The following CD59 variants were observed in gnomAD, a reference collection of about 807,000 sequenced individuals.
CD59 encodes CD59 molecule (CD59 blood group), also known as CD59 glycoprotein.
Under a neutral mutation model 7.0 loss-of-function variants are expected in CD59, and 3 were observed. That is an observed-to-expected ratio of 0.43 (90% CI 0.19 to 1.10). The LOEUF (loss-of-function observed/expected upper bound fraction) is 1.10, where lower values mean the gene tolerates loss of function less well. Ranked by LOEUF, CD59 falls within the 50% of genes least tolerant of loss-of-function variation. The probability of loss-of-function intolerance (pLI) is 0.29; values close to 1 mark genes in which losing one functional copy is unlikely to be tolerated. For missense variants in CD59, 143 were observed against 151.0 expected (o/e 0.95, Z 0.28); for synonymous variants, 60 against 62.0 (o/e 0.97, Z 0.15).
In CD59 at chr11:33,716,026, T is replaced by C. The variant is rs1853774206; in HGVS notation, c.169+1344A>G. ...AGCTAAAGAGCCAAGTCTTCTGTGC[T>C]CGTACATAATGACCATGTTCTCGCT... is the stretch of plus-strand genomic sequence containing the variant. On this transcript the variant is annotated intron_variant, in intron 3 of 3. Transcript: ENST00000642928. Among the ~76,000 whole-genome samples the C allele has an allele frequency of 2.0e-5, 3 of 152,188 alleles. 1 individual carries two copies. The South Asian group carries it at 6.2e-4, about 31-fold the overall frequency.
At chr11:33,712,624 A>G (rs1329948032) in intron 3 of CD59, among the ~76,000 whole-genome samples, 1 of 152,240 alleles carries the variant, frequency 6.6e-6, no homozygotes, top group Non-Finnish European at 1.5e-5. Context: ...CTGCTGGGGC[A>G]TGCAGGAGGG....
At chr11:33,719,156 C>T (rs1278232370) in intron 2 of CD59, 1 of 152,172 alleles carries the variant, frequency 6.6e-6, no homozygotes, top group Non-Finnish European at 1.5e-5. Flanking sequence ...AGTGGAAAGT[C>T]CAGTGGAAGC....
In CD59 at chr11:33,709,165, T is replaced by C. The variant is rs943034287; in HGVS notation, c.*961A>G. 13 of 152,242 alleles carry C rather than the reference T, an allele frequency of 8.5e-5. No homozygotes were observed. The highest frequency in any genetic ancestry group is 3.1e-4 in the African/African-American group (13 of 41,468). 9.4% of individuals were successfully genotyped at this position (152,242 alleles called of 1,614,324 possible). A position where few individuals can be genotyped will look rare whatever the true frequency, so the allele number is the denominator to read the frequency against. On this transcript the variant is annotated 3_prime_UTR_variant, in exon 4 of 4. Transcript: ENST00000642928. ...AATCTATGCTGAGTCAGCTAGGAGT[T>C]AGCAGGAGGCTGGATGCAGATGGTA...
rs779219648 is a variant in CD59 at position 33,722,488 on chromosome 11, T to C, written c.-18-25A>G. ...CCTGGAAGGAAGGGACAGGAAGGAATGTCAGGAACGAACAAATGACTGCTG... is the reference window on the plus strand; with the variant it reads ...CCTGGAAGGAAGGGACAGGAAGGAACGTCAGGAACGAACAAATGACTGCTG... On this transcript the variant is annotated intron_variant, in intron 1 of 3. Transcript: ENST00000642928. 23 of 1,612,670 alleles carry C rather than the reference T, an allele frequency of 1.4e-5. 1 individual carries two copies. In the South Asian group the frequency reaches 2.3e-4, roughly 16 times the overall value.
Position 33,704,647 on chromosome 11 carries a change from T to G in CD59, c.*5479A>C, listed in dbSNP as rs1416523637. 3 of 152,198 alleles carry G rather than the reference T, an allele frequency of 2.0e-5. No individual in the cohort carries two copies. Among genetic ancestry groups the G allele is most frequent in the Non-Finnish European group, 4.4e-5 (3 of 68,040 alleles). 9.4% of individuals were successfully genotyped at this position (152,198 alleles called of 1,614,324 possible). On this transcript the variant is annotated 3_prime_UTR_variant, in exon 4 of 4. Coordinates refer to ENST00000642928, the MANE Select transcript of CD59 (RefSeq NM_000611.6). ...TTTTCCAGATGAGAAAACTGAGGCA[T>G]GTAAGGTTAAGTAACTTGCCTGAGG... is the stretch of plus-strand genomic sequence containing the variant.
intron 3 of CD59, among the ~76,000 whole-genome samples, chr11:33,712,889 G>C (rs1279014748): frequency 6.6e-6 from 1 of 152,142 alleles, no homozygotes; most frequent in Non-Finnish European, 1.5e-5. Context: ...TTTTTCTCTG[G>C]AAGGATTCCC....
chr11:33,711,327 G>C (rs1853547998), intron 3 of CD59: 1 of 683,062 alleles, frequency 1.5e-6, no homozygotes, highest in Admixed American at 2.2e-5. Context: ...TCATATGTAA[G>C]AGCATAGTAT....
At chr11:33,717,772 A>C (rs568800686) in intron 2 of CD59, 31 of 377,382 alleles carry the variant, frequency 8.2e-5, no homozygotes, top group African/African-American at 6.0e-4. Context: ...TGATGTGTTA[A>C]GAAGAAATTA....
At chr11:33,732,233 T>C (rs1046565114) in intron 1 of CD59, among the ~76,000 whole-genome samples, 1 of 151,900 alleles carries the variant, frequency 6.6e-6, no homozygotes, top group Non-Finnish European at 1.5e-5. Context: ...AATCTCATGT[T>C]GAATTTTAAT....
At chr11:33,723,634 T>C (rs1854162686) in intron 1 of CD59, among the ~76,000 whole-genome samples, 1 of 152,234 alleles carries the variant, frequency 6.6e-6, no homozygotes, top group Non-Finnish European at 1.5e-5. Flanking sequence ...CACCACCCGC[T>C]GGGCTCTGAA....
At chr11:33,730,102 C>CTAGTTTTGGG (rs1404937163) in intron 1 of CD59, among the ~76,000 whole-genome samples, 1 of 152,146 alleles carries the variant, frequency 6.6e-6, no homozygotes, top group Admixed American at 6.5e-5. Flanking sequence ...TATTTTATCA[C>CTAGTTTTGGG]TACCCAAAAA....
At chr11:33,711,865 T>C (rs1853574196) in intron 3 of CD59, among the ~76,000 whole-genome samples, 1 of 152,174 alleles carries the variant, frequency 6.6e-6, no homozygotes, top group African/African-American at 2.4e-5. Context: ...ATAGCAAATG[T>C]TGCAAGGAAG....
At chr11:33,711,473 G>T in intron 3 of CD59, 1 of 693,322 alleles carries the variant, frequency 1.4e-6, no homozygotes, top group South Asian at 1.5e-5. Context: ...GATTGCCTGC[G>T]GCCAGCCTGG....
intron 1 of CD59, chr11:33,722,841 A>G: frequency 2.1e-6 from 2 of 933,938 alleles, no homozygotes; most frequent in Non-Finnish European, 1.4e-6. Context: ...CACTAAGTGA[A>G]TCAGACCAAA....
intron 1 of CD59, among the ~76,000 whole-genome samples, chr11:33,730,200 G>A (rs1323045838): frequency 3.9e-5 from 6 of 151,950 alleles, no homozygotes; most frequent in Non-Finnish European, 1.5e-5. Flanking sequence ...GGGCCGAGGT[G>A]GGTGGATTGC....
Position 33,710,092 on chromosome 11 carries a change from C to A in CD59, c.*34G>T. The A allele has an allele frequency of 6.7e-7, 1 of 1,492,674 alleles. No individual in the cohort carries two copies. The highest frequency in any genetic ancestry group is 9.3e-7 in the Non-Finnish European group (1 of 1,076,084). The allele number at this position is 1,492,674 out of a possible 1,614,324, so 92.5% of individuals were successfully genotyped here. A position where few individuals can be genotyped will look rare whatever the true frequency, so the allele number is the denominator to read the frequency against. Reference sequence around the variant, plus strand: ...CAAGAGAAAGCGGACTACGCAGGAACGGGGAGTTTGGGAGAAGCTCTCCTG... The same window carrying A: ...CAAGAGAAAGCGGACTACGCAGGAAAGGGGAGTTTGGGAGAAGCTCTCCTG... On this transcript the variant is annotated 3_prime_UTR_variant, in exon 4 of 4. Coordinates refer to ENST00000642928, the MANE Select transcript of CD59 (RefSeq NM_000611.6).
chr11:33,722,834 T>A, intron 1 of CD59: 1 of 925,362 alleles, frequency 1.1e-6, no homozygotes, highest in Non-Finnish European at 1.4e-6. Flanking sequence ...GCCACAGCAC[T>A]AAGTGAATCA....
At chr11:33,715,614 A>AG (rs1026976542) in intron 3 of CD59, among the ~76,000 whole-genome samples, 5 of 152,162 alleles carry the variant, frequency 3.3e-5, no homozygotes, top group Non-Finnish European at 7.4e-5. Context: ...AAGAAAAAAA[A>AG]AACCAGAAAA....
At chr11:33,728,207 A>G (rs1476704704) in intron 1 of CD59, among the ~76,000 whole-genome samples, 1 of 152,216 alleles carries the variant, frequency 6.6e-6, no homozygotes, top group Non-Finnish European at 1.5e-5. Context: ...GAGCCCACAT[A>G]GCCAAGACAA....
Sources: allele counts gnomAD v4.1 joint callset (sites outside exome capture counted in the v4.1 genomes callset), GRCh38; gene constraint gnomAD v4.1.1; transcripts MANE v1.5; gene names NCBI Gene and HGNC (gene_info 2026-07-23, HGNC 2026-07-21).